The following SPAG16 variants were observed in gnomAD, a reference collection of about 807,000 sequenced individuals.
SPAG16 encodes sperm-associated antigen 16 protein.
SPAG16 carries 86 observed loss-of-function variants against 80.4 expected under a neutral mutation model. The ratio of observed to expected loss-of-function variants is 1.07; its 90% CI spans 0.90 to 1.28. The LOEUF (loss-of-function observed/expected upper bound fraction) is 1.28. Ranked by LOEUF, SPAG16 falls within the 50% of genes most tolerant of loss-of-function variation. The probability of loss-of-function intolerance (pLI) is 0.00; values close to 1 mark genes in which losing one functional copy is unlikely to be tolerated. For missense variants in SPAG16, 870 were observed against 765.3 expected, an observed-to-expected ratio of 1.14 and a Z score of -1.61; for synonymous variants, 294 against 265.9, an observed-to-expected ratio of 1.11 and a Z score of -1.03.
intron 15 of SPAG16, among the ~76,000 whole-genome samples, chr2:214,378,007 C>G (rs998003376): frequency 5.9e-5 from 9 of 152,084 alleles, no homozygotes. Flanking sequence ...AGGGAGGCAA[C>G]AGTATCAGAG....
Position 214,021,536 on chromosome 2 carries a change from A to G in SPAG16, c.1527+7459A>G, listed in dbSNP as rs562663269. Among the ~76,000 whole-genome samples, 6 of 152,170 alleles carry G rather than the reference A, an allele frequency of 3.9e-5. No individual in the cohort carries two copies. The South Asian group carries it at 8.3e-4, about 21-fold the overall frequency. On this transcript the variant is annotated intron_variant, in intron 13 of 15. Coordinates refer to ENST00000331683, the MANE Select transcript of SPAG16 (RefSeq NM_024532.5). Reference sequence around the variant, plus strand: ...AGAAAAGACCTGCCCCCATAATTCAATCACCTCCCATTGGTTCCCTGCCAC... The same window carrying G: ...AGAAAAGACCTGCCCCCATAATTCAGTCACCTCCCATTGGTTCCCTGCCAC...
At chr2:214,003,024 T>C (rs1317433759) in intron 12 of SPAG16, among the ~76,000 whole-genome samples, 1 of 152,156 alleles carries the variant, frequency 6.6e-6, no homozygotes, top group Non-Finnish European at 1.5e-5. Flanking sequence ...AAGGCCTCGA[T>C]ATGTAGCATT....
intron 10 of SPAG16, among the ~76,000 whole-genome samples, chr2:213,836,626 T>G (rs1223135913): frequency 6.6e-6 from 1 of 152,154 alleles, no homozygotes; most frequent in African/African-American, 2.4e-5. Flanking sequence ...TATTTTTTTA[T>G]TTTTTTAGAT....
chr2:214,370,584 T>C (rs1699750625), intron 15 of SPAG16, among the ~76,000 whole-genome samples: 1 of 152,094 alleles, frequency 6.6e-6, no homozygotes, highest in Non-Finnish European at 1.5e-5. Context: ...GTGTGTGTGG[T>C]GAGAACATTT....
At chr2:213,905,450 C>A (rs993973048) in intron 11 of SPAG16, among the ~76,000 whole-genome samples, 3 of 152,206 alleles carry the variant, frequency 2.0e-5, no homozygotes, top group African/African-American at 7.2e-5. Context: ...CACTGGCATA[C>A]ATCTTTCTTA....
rs112511233 is a variant in SPAG16, at chr2:213,629,922, C to T, written c.1070+139832C>T. ...CCTCCTTTTTCCAGGGACCTCTGAC[C>T]CTCTGGCTTCAGAAACTCCATCTTC... is the stretch of plus-strand genomic sequence containing the variant. On this transcript the variant is annotated intron_variant, in intron 10 of 15. Transcript: ENST00000331683. 7.6e-3 allele frequency among the ~76,000 whole-genome samples: 1,162 copies of T among 152,300 alleles called. 7 individuals carry two copies. Among genetic ancestry groups the T allele is most frequent in the Non-Finnish European group, 0.012 (843 of 68,032 alleles).
At chr2:213,638,617 T>A (rs1429985518) in intron 10 of SPAG16, among the ~76,000 whole-genome samples, 1 of 152,206 alleles carries the variant, frequency 6.6e-6, no homozygotes, top group Non-Finnish European at 1.5e-5. Flanking sequence ...GTACTTGATA[T>A]AATTTTATTT....
At chr2:214,118,150 A>G (rs2054033935) in intron 14 of SPAG16, among the ~76,000 whole-genome samples, 1 of 152,238 alleles carries the variant, frequency 6.6e-6, no homozygotes, top group African/African-American at 2.4e-5. Flanking sequence ...TTCAGTAAAG[A>G]TGGAGTACAC....
intron 12 of SPAG16, among the ~76,000 whole-genome samples, chr2:213,977,552 C>T (rs1005163890): frequency 6.6e-6 from 1 of 152,170 alleles, no homozygotes; most frequent in African/African-American, 2.4e-5. Flanking sequence ...GCAATTTTAA[C>T]ATCCAACTAG....
At chr2:213,429,175 G>A (rs1442350548) in intron 9 of SPAG16, among the ~76,000 whole-genome samples, 1 of 151,730 alleles carries the variant, frequency 6.6e-6, no homozygotes, top group Admixed American at 6.6e-5. Flanking sequence ...CTGCCTTCCT[G>A]TGCCAACTTG....
intron 10 of SPAG16, among the ~76,000 whole-genome samples, chr2:213,664,196 A>G (rs1469922601): frequency 6.6e-6 from 1 of 152,040 alleles, no homozygotes; most frequent in African/African-American, 2.4e-5. Context: ...TATCCACTTT[A>G]TAGGAGCCTT....
intron 9 of SPAG16, among the ~76,000 whole-genome samples, chr2:213,409,453 G>A (rs995779322): frequency 1.3e-5 from 2 of 152,152 alleles, no homozygotes; most frequent in Non-Finnish European, 2.9e-5. Flanking sequence ...AAAGAAAATT[G>A]TGTGTGTAAA....
intron 15 of SPAG16, among the ~76,000 whole-genome samples, chr2:214,273,254 C>G (rs1362216281): frequency 6.6e-6 from 1 of 152,204 alleles, no homozygotes; most frequent in Non-Finnish European, 1.5e-5. Context: ...CCTGTTCACT[C>G]TAATGGTAGT....
At chr2:213,585,594 T>G (rs1185449730) in intron 10 of SPAG16, among the ~76,000 whole-genome samples, 1 of 152,140 alleles carries the variant, frequency 6.6e-6, no homozygotes, top group Non-Finnish European at 1.5e-5. Context: ...TTTAGAAGTA[T>G]AAAGGCTTTG....
chr2:214,324,678 A>AAAT (rs1696347811), intron 15 of SPAG16, among the ~76,000 whole-genome samples: 1 of 152,192 alleles, frequency 6.6e-6, no homozygotes, highest in Non-Finnish European at 1.5e-5. Flanking sequence ...AAGGGAAAAA[A>AAAT]AATAGAAAGA....
chr2:213,836,036 T>G (rs2125738376), intron 10 of SPAG16, among the ~76,000 whole-genome samples: 1 of 152,282 alleles, frequency 6.6e-6, no homozygotes, highest in Admixed American at 6.5e-5. Context: ...TCAGTGGAAA[T>G]TGAGTTACCC....
At chr2:214,004,362 T>C (rs1349704828) in intron 12 of SPAG16, among the ~76,000 whole-genome samples, 1 of 152,094 alleles carries the variant, frequency 6.6e-6, no homozygotes, top group Non-Finnish European at 1.5e-5. Context: ...TACAAAGTGT[T>C]GGTCACTGTA....
chr2:213,785,718 T>C (rs1483978720), intron 10 of SPAG16, among the ~76,000 whole-genome samples: 1 of 152,144 alleles, frequency 6.6e-6, no homozygotes, highest in Non-Finnish European at 1.5e-5. Flanking sequence ...ATATTTACTA[T>C]TCTTCAAAAG....
chr2:213,435,515 G>A (rs137993297), intron 9 of SPAG16, among the ~76,000 whole-genome samples: 31 of 152,138 alleles, frequency 2.0e-4, no homozygotes, highest in African/African-American at 7.5e-4. Flanking sequence ...AAAACTGCAC[G>A]TGTAACTCTT....
Sources: gnomAD v4.1 joint callset for allele counts (sites outside exome capture counted in the v4.1 genomes callset) on GRCh38, gnomAD v4.1.1 for gene constraint, MANE v1.5 for transcripts, NCBI Gene and HGNC (gene_info 2026-07-23, HGNC 2026-07-21) for gene names.